The following DENND2B variants were observed in gnomAD, a reference collection of about 807,000 sequenced individuals.
DENND2B encodes DENN domain-containing protein 2B.
A neutral mutation model predicts 116.0 loss-of-function variants in DENND2B; 32 were observed. The observed-to-expected ratio is 0.28, with a 90% CI of 0.21 to 0.37. DENND2B has a LOEUF of 0.37. Ranked by LOEUF, DENND2B falls within the 10% of genes least tolerant of loss-of-function variation. DENND2B has a pLI of 1.00. For synonymous variants in DENND2B, 588 were observed against 583.9 expected, an observed-to-expected ratio of 1.01 and a Z score of -0.10; for missense variants, 1,276 against 1,477.7, an observed-to-expected ratio of 0.86 and a Z score of 2.24.
At chr11:8,870,050 C>T (rs1301030148) in intron 2 of DENND2B, among the ~76,000 whole-genome samples, 1 of 152,206 alleles carries the variant, frequency 6.6e-6, no homozygotes, top group Non-Finnish European at 1.5e-5. Flanking sequence ...GTGTGTGCAG[C>T]TAAGAGGTAG....
intron 1 of DENND2B, among the ~76,000 whole-genome samples, chr11:8,766,319 G>A (rs2055775938): frequency 1.3e-5 from 2 of 152,092 alleles, no homozygotes; most frequent in South Asian, 4.1e-4. Flanking sequence ...AGAAGTGCCT[G>A]CACACCAGTT....
chr11:8,831,590 G>A (rs2062209099), intron 4 of DENND2B: 1 of 152,278 alleles, frequency 6.6e-6, no homozygotes, highest in African/African-American at 2.4e-5. Context: ...CACACAGTGG[G>A]GTGGCTTGCT....
At chr11:8,831,209 C>T (rs540762314) in intron 4 of DENND2B, among the ~76,000 whole-genome samples, 4 of 152,162 alleles carry the variant, frequency 2.6e-5, no homozygotes, top group Non-Finnish European at 5.9e-5. Flanking sequence ...CCAAGACCTC[C>T]CTGATAGGTA....
chr11:8,816,950 GC>G (rs1448316262), intron 4 of DENND2B, among the ~76,000 whole-genome samples: 1 of 152,174 alleles, frequency 6.6e-6, no homozygotes, highest in Non-Finnish European at 1.5e-5. Context: ...TTTCAGCAGA[GC>G]CCCGGGCTTG....
At chr11:8,780,828 G>T (rs2058298351) in intron 1 of DENND2B, among the ~76,000 whole-genome samples, 1 of 152,166 alleles carries the variant, frequency 6.6e-6, no homozygotes, top group Non-Finnish European at 1.5e-5. Flanking sequence ...GAGGGACAAG[G>T]GAGAGAGAGA....
intron 2 of DENND2B, among the ~76,000 whole-genome samples, chr11:8,745,405 C>G (rs1011533230): frequency 1.3e-5 from 2 of 152,164 alleles, no homozygotes; most frequent in African/African-American, 4.8e-5. Flanking sequence ...AGACTTCAAG[C>G]TGATGCCATG....
intron 2 of DENND2B, among the ~76,000 whole-genome samples, chr11:8,878,825 ATTG>A (rs1367438669): frequency 6.6e-6 from 1 of 152,228 alleles, no homozygotes; most frequent in Non-Finnish European, 1.5e-5. Context: ...AAAGTCACAT[ATTG>A]TATGATTCCA....
chr11:8,776,547 T>C (rs1039761700), intron 1 of DENND2B: 38 of 266,422 alleles, frequency 1.4e-4, no homozygotes, highest in Admixed American at 9.9e-4. Flanking sequence ...CCACCAGACA[T>C]CGCAGGCAGC....
chr11:8,805,186 A>G (rs1202558120), intron 1 of DENND2B, among the ~76,000 whole-genome samples: 2 of 152,300 alleles, frequency 1.3e-5, no homozygotes, highest in Middle Eastern at 3.4e-3. Context: ...GCTGTTCATC[A>G]CTGCAGTGCA....
chr11:8,839,069 G>A (rs2062532560), intron 4 of DENND2B, among the ~76,000 whole-genome samples: 1 of 152,230 alleles, frequency 6.6e-6, no homozygotes, highest in Admixed American at 6.5e-5. Context: ...AAAAAAGGAG[G>A]AAGAGAGAAA....
At chr11:8,902,888 G>A (rs985848217) in intron 1 of DENND2B, among the ~76,000 whole-genome samples, 8 of 152,060 alleles carry the variant, frequency 5.3e-5, no homozygotes, top group African/African-American at 2.4e-5. Flanking sequence ...CATTATTATC[G>A]AGATGGCTGA....
At chr11:8,715,857 C>T in intron 5 of DENND2B, 39 bp from the exon 6 acceptor site, 1 of 1,551,498 alleles carries the variant, frequency 6.4e-7, no homozygotes, top group East Asian at 2.3e-5. Context: ...GGGCTTGCCA[C>T]AGAGGCCTTG....
At chr11:8,758,314 A>G (rs976201352) in intron 1 of DENND2B, among the ~76,000 whole-genome samples, 1 of 152,104 alleles carries the variant, frequency 6.6e-6, no homozygotes. Context: ...CCACACAGAG[A>G]ACCACTGGCC....
upstream of DENND2B, among the ~76,000 whole-genome samples, chr11:8,875,936 G>C (rs1293088396): frequency 6.6e-6 from 1 of 151,540 alleles, no homozygotes; most frequent in African/African-American, 2.4e-5. Flanking sequence ...TTTCAGTTTC[G>C]GTACAGTATT....
At chr11:8,890,553 G>C (rs540003557) in intron 1 of DENND2B, among the ~76,000 whole-genome samples, 1 of 152,160 alleles carries the variant, frequency 6.6e-6, no homozygotes, top group Non-Finnish European at 1.5e-5. Flanking sequence ...TAAATGACCT[G>C]ATGGAGCTGA....
intron 1 of DENND2B, among the ~76,000 whole-genome samples, chr11:8,780,441 G>A (rs2058262458): frequency 6.6e-6 from 1 of 152,216 alleles, no homozygotes; most frequent in Admixed American, 6.5e-5. Flanking sequence ...GGTGACCCTT[G>A]TGCTAGGCCT....
chr11:8,777,726 A>G (rs2057897907), intron 1 of DENND2B, among the ~76,000 whole-genome samples: 1 of 152,216 alleles, frequency 6.6e-6, no homozygotes, highest in South Asian at 2.1e-4. Context: ...CTCTTGATGT[A>G]ATCTTAGATA....
At chr11:8,782,463 TA>T (rs930069297) in intron 1 of DENND2B, among the ~76,000 whole-genome samples, 5 of 152,122 alleles carry the variant, frequency 3.3e-5, no homozygotes, top group African/African-American at 1.2e-4. Flanking sequence ...TTGTCAAACT[TA>T]AAAAAAATTT....
At chr11:8,904,448 A>G (rs1178227252) in intron 1 of DENND2B, among the ~76,000 whole-genome samples, 2 of 152,200 alleles carry the variant, frequency 1.3e-5, no homozygotes, top group Non-Finnish European at 2.9e-5. Flanking sequence ...AATAAAGAGT[A>G]TCTACAAAAA....
Sources: gnomAD v4.1 joint callset for allele counts (sites outside exome capture counted in the v4.1 genomes callset) on GRCh38, gnomAD v4.1.1 for gene constraint, MANE v1.5 for transcripts, NCBI Gene and HGNC (gene_info 2026-07-23, HGNC 2026-07-21) for gene names.